The following KIAA0825 variants were observed in gnomAD, a reference collection of about 807,000 sequenced individuals.
The protein encoded by KIAA0825 is uncharacterized protein KIAA0825.
KIAA0825 carries 119 observed loss-of-function variants against 147.6 expected under a neutral mutation model. The observed-to-expected ratio is 0.81, with a 90% CI of 0.69 to 0.94. The LOEUF (loss-of-function observed/expected upper bound fraction) is 0.94, where lower values mean the gene tolerates loss of function less well. Among genes scored for constraint, KIAA0825 ranks in the 40% least tolerant of loss-of-function variants. KIAA0825 has a pLI of 0.00. For synonymous variants in KIAA0825, 470 were observed against 518.1 expected (o/e 0.91, Z 1.26); for missense variants, 1,381 against 1,472.7 (o/e 0.94, Z 1.02).
At chr5:94,558,539 TC>T (rs1180956964) in intron 2 of KIAA0825, among the ~76,000 whole-genome samples, 40 of 152,326 alleles carry the variant, frequency 2.6e-4, no homozygotes, top group Middle Eastern at 3.4e-3. Context: ...TACATTTTTT[TC>T]CCTTAAAGTA....
intron 20 of KIAA0825, among the ~76,000 whole-genome samples, chr5:94,320,653 G>A (rs1048347999): frequency 6.6e-6 from 1 of 151,932 alleles, no homozygotes; most frequent in African/African-American, 2.4e-5. Flanking sequence ...CCAACTTGCT[G>A]TCTATCTACC....
chr5:94,503,997 T>C (rs1765401056), intron 5 of KIAA0825, among the ~76,000 whole-genome samples: 1 of 152,178 alleles, frequency 6.6e-6, no homozygotes, highest in South Asian at 2.1e-4. Flanking sequence ...ATCATAGACA[T>C]GGACCCAAAA....
At chr5:94,614,976 T>C (rs1313061472) in intron 1 of KIAA0825, among the ~76,000 whole-genome samples, 1 of 151,870 alleles carries the variant, frequency 6.6e-6, no homozygotes, top group Non-Finnish European at 1.5e-5. Flanking sequence ...GTCAACCCAC[T>C]TAACGCTCAC....
chr5:94,195,651 CTCT>C (rs1771067891), intron 20 of KIAA0825, among the ~76,000 whole-genome samples: 1 of 151,254 alleles, frequency 6.6e-6, no homozygotes, highest in East Asian at 1.9e-4. Context: ...GTGACAAGAG[CTCT>C]TTTTTTTTTT....
At chr5:94,195,587 T>C (rs1476164093) in intron 20 of KIAA0825, among the ~76,000 whole-genome samples, 1 of 147,030 alleles carries the variant, frequency 6.8e-6, no homozygotes, top group Non-Finnish European at 1.5e-5. Context: ...TGTAACAACG[T>C]TTTTTTTTTC....
chr5:94,446,760 T>C (rs770016429), intron 13 of KIAA0825, among the ~76,000 whole-genome samples: 1 of 152,114 alleles, frequency 6.6e-6, no homozygotes, highest in Non-Finnish European at 1.5e-5. Flanking sequence ...AAGTATGCCA[T>C]GATAAAATGT....
chr5:94,489,802 C>T (rs956711464), intron 5 of KIAA0825, among the ~76,000 whole-genome samples: 3 of 149,950 alleles, frequency 2.0e-5, no homozygotes, highest in African/African-American at 7.4e-5. Flanking sequence ...ATGAGAATCA[C>T]TTGAAACCGG....
At chr5:94,556,458 A>C (rs1367541346) in intron 2 of KIAA0825, among the ~76,000 whole-genome samples, 1 of 152,204 alleles carries the variant, frequency 6.6e-6, no homozygotes, top group Non-Finnish European at 1.5e-5. Context: ...CTTTGTATCA[A>C]AATGCTTTCT....
chr5:94,193,357 A>C (rs1229336869), intron 20 of KIAA0825, among the ~76,000 whole-genome samples: 1 of 152,216 alleles, frequency 6.6e-6, no homozygotes, highest in Non-Finnish European at 1.5e-5. Flanking sequence ...AAGTACTTAC[A>C]AAATACATGT....
chr5:94,212,686 A>T (rs1255501941), intron 20 of KIAA0825, among the ~76,000 whole-genome samples: 3 of 152,188 alleles, frequency 2.0e-5, no homozygotes, highest in Non-Finnish European at 4.4e-5. Context: ...ATAGCTAAGG[A>T]ACCTCAGTTT....
intron 15 of KIAA0825, chr5:94,414,849 T>C (rs1028000728): frequency 2.0e-5 from 3 of 152,236 alleles, no homozygotes; most frequent in African/African-American, 7.2e-5. Context: ...TAGATTCTCA[T>C]AGGAGCACAA....
intron 12 of KIAA0825, among the ~76,000 whole-genome samples, 156 bp from the exon 13 acceptor site, chr5:94,453,225 T>A (rs1487960659): frequency 1.3e-5 from 2 of 151,942 alleles, no homozygotes; most frequent in African/African-American, 4.8e-5. Context: ...CAGTCTGGAG[T>A]GTAGTGGTGC....
intron 20 of KIAA0825, among the ~76,000 whole-genome samples, chr5:94,201,165 A>G (rs1023936441): frequency 2.0e-5 from 3 of 150,800 alleles, no homozygotes; most frequent in Non-Finnish European, 4.4e-5. Context: ...AGTGACGCAC[A>G]GAACCATCAG....
At chr5:94,475,794 G>A (rs1761820871) in intron 7 of KIAA0825, among the ~76,000 whole-genome samples, 1 of 152,074 alleles carries the variant, frequency 6.6e-6, no homozygotes, top group African/African-American at 2.4e-5. Flanking sequence ...GGGTGACAGA[G>A]TGATACTATG....
At chr5:94,238,576 TAATCTATACTGAA>T (rs1775185630) in intron 20 of KIAA0825, among the ~76,000 whole-genome samples, 1 of 152,220 alleles carries the variant, frequency 6.6e-6, no homozygotes, top group South Asian at 2.1e-4. Context: ...CAAAACTTTC[TAATCTATACTGAA>T]AAATTTTAGT....
chr5:94,592,998 GC>G, intron 1 of KIAA0825: 2 of 612,664 alleles, frequency 3.3e-6, no homozygotes, highest in East Asian at 6.0e-5. Context: ...TACTTTGGAA[GC>G]TTCAAAAGCA....
chr5:94,155,908 A>G (rs548561376), intron 20 of KIAA0825, among the ~76,000 whole-genome samples: 1 of 152,332 alleles, frequency 6.6e-6, no homozygotes, highest in Non-Finnish European at 1.5e-5. Flanking sequence ...TTAGCCCACA[A>G]GATTTTCTTA....
At chr5:94,438,848 T>C (rs1255597801) in intron 14 of KIAA0825, among the ~76,000 whole-genome samples, 2 of 152,150 alleles carry the variant, frequency 1.3e-5, no homozygotes, top group African/African-American at 4.8e-5. Flanking sequence ...ATTTGCCTCA[T>C]TCACATATAA....
chr5:94,353,592 G>T (rs1219601850), intron 20 of KIAA0825, among the ~76,000 whole-genome samples: 1 of 152,036 alleles, frequency 6.6e-6, no homozygotes, highest in Non-Finnish European at 1.5e-5. Context: ...AAAATAAATG[G>T]CCATTAGATT....
Sources: allele counts gnomAD v4.1 joint callset (sites outside exome capture counted in the v4.1 genomes callset), GRCh38; gene constraint gnomAD v4.1.1; transcripts MANE v1.5; gene names NCBI Gene and HGNC (gene_info 2026-07-23, HGNC 2026-07-21).